COL5A1: variants seen among roughly 807,000 people sequenced by gnomAD.
The protein encoded by COL5A1 is collagen alpha-1(V) chain.
A neutral mutation model predicts 263.7 loss-of-function variants in COL5A1; 16 were observed. That is an observed-to-expected ratio of 0.06 (90% CI 0.04 to 0.09). The LOEUF is 0.09. COL5A1 is among the 10% of genes least tolerant of loss of function. The pLI is 1.00. For synonymous variants in COL5A1, 1,012 were observed against 1,004.5 expected, an observed-to-expected ratio of 1.01 and a Z score of -0.14; for missense variants, 2,036 against 2,540.5, an observed-to-expected ratio of 0.80 and a Z score of 4.27.
intron 4 of COL5A1, among the ~76,000 whole-genome samples, chr9:134,712,085 G>GTACCCCT (rs1834070277): frequency 1.0e-5 from 1 of 97,306 alleles, no homozygotes; most frequent in African/African-American, 4.3e-5. Flanking sequence ...CCTCCTTCCT[G>GTACCCCT]CCTTCCTTCT....
intron 1 of COL5A1, among the ~76,000 whole-genome samples, chr9:134,683,019 G>A (rs979607700): frequency 6.6e-6 from 1 of 152,184 alleles, no homozygotes; most frequent in Non-Finnish European, 1.5e-5. Flanking sequence ...GCGATCCCAC[G>A]GCCTCAGACC....
In COL5A1 at chr9:134,716,883, G is replaced by T. The variant is rs1416552295; in HGVS notation, c.655-10383G>T. On this transcript the variant is annotated intron_variant, in intron 4 of 65. Coordinates refer to ENST00000371817, the MANE Select transcript of COL5A1 (RefSeq NM_000093.5). This position sits in a 1 kb window ranked among gnomAD's most constrained non-coding sequence, Gnocchi z 4.5. ...TGGCTGCAGGTGAGAATTGGACTGG[G>T]ACTGGAGGCAGCGAGCGAGGACATG... is the stretch of plus-strand genomic sequence containing the variant. 6.6e-6 allele frequency among the ~76,000 whole-genome samples: 1 copy of T among 152,204 alleles called. No individual in the cohort carries two copies. The highest frequency in any genetic ancestry group is 2.4e-5 in the African/African-American group (1 of 41,442).
intron 9 of COL5A1, among the ~76,000 whole-genome samples, chr9:134,733,451 C>A (rs537060435): frequency 1.3e-5 from 2 of 152,290 alleles, no homozygotes; most frequent in East Asian, 3.9e-4. Flanking sequence ...AGGGGTGGGA[C>A]CTGCCGGTGC....
chr9:134,753,822 G>A, intron 14 of COL5A1, 28 bp from the exon 15 acceptor site: 1 of 1,472,974 alleles, frequency 6.8e-7, no homozygotes, highest in Non-Finnish European at 9.2e-7. Flanking sequence ...ACCTCGAGCA[G>A]ACATTAACAC....
chr9:134,775,291 A>G (rs1230008669), intron 27 of COL5A1, among the ~76,000 whole-genome samples: 1 of 152,270 alleles, frequency 6.6e-6, no homozygotes, highest in African/African-American at 2.4e-5. Flanking sequence ...GGCTGAAGCC[A>G]AGAGCCTGGC....
chr9:134,648,902 C>T (rs114571278), intron 1 of COL5A1, among the ~76,000 whole-genome samples: 21 of 152,312 alleles, frequency 1.4e-4, no homozygotes, highest in East Asian at 3.9e-4. Flanking sequence ...AAGTTCAGCC[C>T]GCAGAGTGGC....
rs902804260 is a variant in COL5A1, at chr9:134,773,343, G to T, written c.2331+509G>T. On this transcript the variant is annotated intron_variant, in intron 26 of 65. Transcript: ENST00000371817. ...GGTCCCATGCAGCACGTCCACCAGC[G>T]CCTTCTCTCCACTGCGATTCATGAC... Among the ~76,000 whole-genome samples the T allele has an allele frequency of 4.6e-5, 7 of 151,996 alleles. No homozygotes were observed. The East Asian group carries it at 1.4e-3, about 29-fold the overall frequency.
chr9:134,738,663 T>C (rs2132655683), intron 10 of COL5A1, 83 bp from the exon 11 acceptor site: 8 of 851,658 alleles, frequency 9.4e-6, no homozygotes, highest in Non-Finnish European at 1.5e-5. Context: ...CACCCCCACC[T>C]CTGCCTTGGT....
intron 1 of COL5A1, among the ~76,000 whole-genome samples, chr9:134,663,532 T>C (rs972131365): frequency 1.3e-5 from 2 of 152,276 alleles, no homozygotes; most frequent in Non-Finnish European, 2.9e-5. Flanking sequence ...CTCCAGTTCC[T>C]TCTTTAATAT....
rs1011164854 is a variant in COL5A1, at chr9:134,647,426, A to G, written c.109+5130A>G. 1.3e-5 allele frequency among the ~76,000 whole-genome samples: 2 copies of G among 152,084 alleles called. No homozygotes were observed. Among genetic ancestry groups the G allele is most frequent in the Non-Finnish European group, 2.9e-5 (2 of 68,012 alleles). ...CCGTGTGCACGTGTGGACAATGTGT[A>G]TATCTCCCCGCGATCTGCCTGCACA... On this transcript the variant is annotated intron_variant, in intron 1 of 65. Transcript: ENST00000371817. The surrounding 1 kb of genome is among the most constrained non-coding windows in gnomAD (Gnocchi z 5.0).
intron 38 of COL5A1, among the ~76,000 whole-genome samples, chr9:134,802,216 C>T (rs1194135436): frequency 6.6e-6 from 1 of 152,242 alleles, no homozygotes; most frequent in Non-Finnish European, 1.5e-5. Flanking sequence ...ACAAACCCAA[C>T]ACGCAGGGCA....
rs570484209 is a variant in COL5A1, at chr9:134,826,152, C to T, written c.5067+248C>T. ...GAGGGCTTTCCACCTGGCATCCTGC[C>T]GTCCCAGGGCTGGGACTTCACTCAC... On this transcript the variant is annotated intron_variant, in intron 63 of 65. Transcript: ENST00000371817. Among the ~76,000 whole-genome samples, 20 of 152,340 alleles carry T rather than the reference C, an allele frequency of 1.3e-4. 1 individual carries two copies. The highest frequency in any genetic ancestry group is 3.6e-4 in the African/African-American group (15 of 41,590).
chr9:134,705,521 C>A (rs973018554), intron 4 of COL5A1, among the ~76,000 whole-genome samples: 1 of 152,216 alleles, frequency 6.6e-6, no homozygotes, highest in Admixed American at 6.5e-5. Context: ...GCCGGCAGGT[C>A]CCCCCAGCCT....
intron 14 of COL5A1, 151 bp downstream of exon 14, chr9:134,752,796 G>T (rs1303406989): frequency 1.5e-6 from 1 of 652,002 alleles, no homozygotes; most frequent in South Asian, 1.8e-5. Flanking sequence ...TGGCCAGGGG[G>T]ACCAGGGGCC....
chr9:134,808,721 C>T (rs1429190550), intron 42 of COL5A1, among the ~76,000 whole-genome samples: 1 of 152,182 alleles, frequency 6.6e-6, no homozygotes, highest in Non-Finnish European at 1.5e-5. Flanking sequence ...CATGTGTGAG[C>T]ATGCATGTCC....
intron 64 of COL5A1, among the ~76,000 whole-genome samples, chr9:134,832,452 A>T (rs1839676441): frequency 6.6e-6 from 1 of 152,174 alleles, no homozygotes; most frequent in African/African-American, 2.4e-5. Context: ...TTATCTGGGC[A>T]GGGCTACCCA....
chr9:134,724,814 C>T (rs1012098815), intron 4 of COL5A1, among the ~76,000 whole-genome samples: 30 of 152,090 alleles, frequency 2.0e-4, no homozygotes, highest in African/African-American at 2.9e-4. Context: ...GGGGCCTCGG[C>T]GGGGGAGGTG....
chr9:134,824,506 C>T, intron 61 of COL5A1, 94 bp from the exon 62 acceptor site: 1 of 1,536,844 alleles, frequency 6.5e-7, no homozygotes, highest in Non-Finnish European at 8.8e-7. Flanking sequence ...CAGGGAACCC[C>T]TGCAGATGTG....
chr9:134,731,462 C>A (rs754969792), intron 7 of COL5A1, 34 bp from the exon 8 acceptor site: 1 of 1,611,756 alleles, frequency 6.2e-7, no homozygotes. Flanking sequence ...GGTGCGTTTG[C>A]GAGGCAACCC....
Sources: allele counts gnomAD v4.1 joint callset (sites outside exome capture counted in the v4.1 genomes callset), GRCh38; gene constraint gnomAD v4.1.1; non-coding constraint Gnocchi (gnomAD v3.1); transcripts MANE v1.5; gene names NCBI Gene and HGNC (gene_info 2026-07-23, HGNC 2026-07-21).